BCL2: variants seen among roughly 807,000 people sequenced by gnomAD.
The protein encoded by BCL2 is BCL2 apoptosis regulator.
Under a neutral mutation model 14.2 loss-of-function variants are expected in BCL2, and 1 was observed. The ratio of observed to expected loss-of-function variants is 0.07; its 90% confidence interval spans 0.02 to 0.33. The LOEUF is 0.33. Among genes scored for constraint, BCL2 ranks in the 10% least tolerant of loss-of-function variants. BCL2 has a pLI of 0.99. For synonymous variants in BCL2, 151 were observed against 137.2 expected, an observed-to-expected ratio of 1.10 and a Z score of -0.70; for missense variants, 247 against 305.9, an observed-to-expected ratio of 0.81 and a Z score of 1.44.
chr18:63,131,212 T>A (rs1914061349), intron 2 of BCL2, among the ~76,000 whole-genome samples: 1 of 152,174 alleles, frequency 6.6e-6, no homozygotes, highest in Admixed American at 6.5e-5. Context: ...ATTGGTCAAA[T>A]CAGCACAATC....
intron 2 of BCL2, among the ~76,000 whole-genome samples, chr18:63,243,029 G>T (rs114735968): frequency 6.6e-6 from 1 of 152,098 alleles, no homozygotes; most frequent in Non-Finnish European, 1.5e-5. Context: ...TCTTCAAGGC[G>T]AAAATCACTG....
At chr18:63,167,698 C>T (rs1330197332) in intron 2 of BCL2, among the ~76,000 whole-genome samples, 10 of 152,030 alleles carry the variant, frequency 6.6e-5, no homozygotes, top group Non-Finnish European at 1.3e-4. Context: ...GAGGCCAAGG[C>T]GGGTGGATCA....
intron 1 of BCL2, 55 bp from the exon 2 acceptor site, chr18:63,319,007 T>C (rs769699373): frequency 5.1e-6 from 6 of 1,186,202 alleles, no homozygotes; most frequent in Non-Finnish European, 6.3e-6. Context: ...TGCGTTTCCC[T>C]GTACACACTG....
intron 2 of BCL2, among the ~76,000 whole-genome samples, chr18:63,268,194 G>A (rs1911891014): frequency 6.6e-6 from 1 of 152,120 alleles, no homozygotes; most frequent in African/African-American, 2.4e-5. Context: ...AGAGAGGGAG[G>A]GAACACCAAG....
chr18:63,136,761 G>A (rs1011396617), intron 2 of BCL2, among the ~76,000 whole-genome samples: 5 of 152,178 alleles, frequency 3.3e-5, no homozygotes, highest in South Asian at 2.1e-4. Flanking sequence ...CTATTCATTG[G>A]TTGAAGGTTG....
At chr18:63,160,180 C>A (rs1008327736) in intron 2 of BCL2, among the ~76,000 whole-genome samples, 2 of 152,122 alleles carry the variant, frequency 1.3e-5, no homozygotes, top group African/African-American at 4.8e-5. Flanking sequence ...ATTATCAAAG[C>A]CAAATGTGTG....
intron 2 of BCL2, among the ~76,000 whole-genome samples, chr18:63,132,677 G>A (rs977914983): frequency 1.3e-5 from 2 of 152,116 alleles, no homozygotes; most frequent in African/African-American, 4.8e-5. Flanking sequence ...CTGCGGCTTC[G>A]GGACTAAAAT....
At chr18:63,233,162 C>T (rs574886959) in intron 2 of BCL2, among the ~76,000 whole-genome samples, 92 of 152,300 alleles carry the variant, frequency 6.0e-4, no homozygotes, top group Non-Finnish European at 9.6e-4. Context: ...ACCCTTGTGA[C>T]CTAATCACCT....
rs193235297 is a variant in BCL2, at chr18:63,149,515, C to G, written c.586-20756G>C. On this transcript the variant is annotated intron_variant, in intron 2 of 2. Transcript: ENST00000333681. This position sits in a 1 kb window ranked among gnomAD's most constrained non-coding sequence, Gnocchi z 4.2. ...ACTTTCGCTTGTTCTGTCTCTGTTTCTCTTCTAGCCCAGGGAGATGTCATT... is the reference window on the plus strand; with the variant it reads ...ACTTTCGCTTGTTCTGTCTCTGTTTGTCTTCTAGCCCAGGGAGATGTCATT... Among the ~76,000 whole-genome samples the G allele has an allele frequency of 1.3e-5, 2 of 152,194 alleles. No individual in the cohort carries two copies. The highest frequency in any genetic ancestry group is 4.8e-5 in the African/African-American group (2 of 41,438).
At position 63,166,744 on chromosome 18, in the gene BCL2, T is replaced by C. The variant is rs368712727; in HGVS notation, c.586-37985A>G. ...GACGGGATATGAGGTATCACATAGG[T>C]TAAGTTTGGTTAGTAAAACATTAAT... On this transcript the variant is annotated intron_variant, in intron 2 of 2. Coordinates refer to ENST00000333681, the MANE Select transcript of BCL2 (RefSeq NM_000633.3). Among the ~76,000 whole-genome samples, 291 of 152,250 alleles carry C rather than the reference T, an allele frequency of 1.9e-3. 2 individuals carry two copies. Among genetic ancestry groups the C allele is most frequent in the South Asian group, 0.015 (73 of 4,820 alleles).
At position 63,318,940 on chromosome 18, in the gene BCL2, T is replaced by C; in HGVS notation, c.-274A>G. 1 of 1,340,028 alleles carries C rather than the reference T, an allele frequency of 7.5e-7. No individual in the cohort carries two copies. The highest frequency in any genetic ancestry group is 9.6e-7 in the Non-Finnish European group (1 of 1,038,964). 83.0% of individuals were successfully genotyped at this position (1,340,028 alleles called of 1,614,324 possible). ...GTAAGTATTGTTAATATCAGTCTAC[T>C]TCCTCTGTGATGCTGAAAGGTTAAA... On this transcript the variant is annotated 5_prime_UTR_variant, in exon 2 of 3. Coordinates refer to ENST00000333681, the MANE Select transcript of BCL2 (RefSeq NM_000633.3). The surrounding 1 kb of genome is among the most constrained non-coding windows in gnomAD (Gnocchi z 7.4).
intron 2 of BCL2, among the ~76,000 whole-genome samples, chr18:63,153,476 C>G (rs1914700093): frequency 6.6e-6 from 1 of 152,152 alleles, no homozygotes; most frequent in African/African-American, 2.4e-5. Context: ...TTGTGTGAAA[C>G]TTTTGAAGCC....
intron 2 of BCL2, among the ~76,000 whole-genome samples, chr18:63,171,403 G>A (rs1369522830): frequency 2.0e-5 from 3 of 152,232 alleles, no homozygotes; most frequent in African/African-American, 4.8e-5. Context: ...TGGAGTGAGG[G>A]AGGTTAGGAG....
chr18:63,177,778 G>A (rs2144637901), intron 2 of BCL2, among the ~76,000 whole-genome samples: 1 of 152,276 alleles, frequency 6.6e-6, no homozygotes, highest in Middle Eastern at 3.4e-3. Context: ...GGCGGAGATA[G>A]GGGGTAGGAC....
intron 2 of BCL2, among the ~76,000 whole-genome samples, chr18:63,300,190 G>C (rs886133575): frequency 2.0e-5 from 3 of 152,168 alleles, no homozygotes; most frequent in African/African-American, 7.2e-5. Flanking sequence ...TAATTTAGAT[G>C]CAGTAAGACA....
At chr18:63,217,409 T>C (rs1165320412) in intron 2 of BCL2, among the ~76,000 whole-genome samples, 1 of 152,194 alleles carries the variant, frequency 6.6e-6, no homozygotes, top group African/African-American at 2.4e-5. Context: ...CTTGCTGTTA[T>C]TCCCAATGGT....
chr18:63,254,316 C>A (rs185215665), intron 2 of BCL2, among the ~76,000 whole-genome samples: 15 of 127,328 alleles, frequency 1.2e-4, no homozygotes, highest in Non-Finnish European at 1.6e-4. Context: ...GAGGCTGAGG[C>A]GGGTGGATCA....
intron 2 of BCL2, among the ~76,000 whole-genome samples, chr18:63,138,305 T>C (rs1914265115): frequency 6.6e-6 from 1 of 152,328 alleles, no homozygotes; most frequent in African/African-American, 2.4e-5. Flanking sequence ...ATTTCCCCCC[T>C]TATCATCGGC....
chr18:63,135,752 G>A (rs1005177481), intron 2 of BCL2, among the ~76,000 whole-genome samples: 14 of 151,994 alleles, frequency 9.2e-5, no homozygotes, highest in Admixed American at 3.9e-4. Flanking sequence ...CTGACCTCAG[G>A]TATCCTCAAA....
Sources: gnomAD v4.1 joint callset for allele counts (sites outside exome capture counted in the v4.1 genomes callset) on GRCh38, gnomAD v4.1.1 for gene constraint, Gnocchi (gnomAD v3.1) non-coding constraint, MANE v1.5 for transcripts, NCBI Gene and HGNC (gene_info 2026-07-23, HGNC 2026-07-21) for gene names.